TMEM40: variants seen among roughly 807,000 people sequenced by gnomAD.
The protein encoded by TMEM40 is transmembrane protein 40.
In TMEM40, 34 loss-of-function variants were observed where a neutral mutation model predicts 40.8. That is an observed-to-expected ratio of 0.83 (90% CI 0.63 to 1.11). The LOEUF (loss-of-function observed/expected upper bound fraction) is 1.11. TMEM40 is among the 50% of genes least tolerant of loss of function. The pLI is 0.00. For missense variants in TMEM40, 296 were observed against 280.2 expected (o/e 1.06, Z -0.40); for synonymous variants, 106 against 107.0 (o/e 0.99, Z 0.06).
In TMEM40 at chr3:12,734,766, A is replaced by G; in HGVS notation, c.*8T>C. The G allele has an allele frequency of 6.3e-7, 1 of 1,596,272 alleles. No individual in the cohort carries two copies. The highest frequency in any genetic ancestry group is 8.5e-7 in the Non-Finnish European group (1 of 1,172,070). ...GGGCCTGCCTCTGCTGCCCACCTGG[A>G]AGTGGCCTCAGTCAGTCTTCCTGAA... On this transcript the variant is annotated 3_prime_UTR_variant, in exon 12 of 12. Coordinates refer to ENST00000314124, the MANE Select transcript of TMEM40 (RefSeq NM_018306.4).
upstream of TMEM40, among the ~76,000 whole-genome samples, chr3:12,761,709 T>C (rs879334430): frequency 3.3e-5 from 5 of 152,024 alleles, no homozygotes; most frequent in Non-Finnish European, 7.4e-5. Context: ...GCATGAGCCA[T>C]GCAGGGGAGA....
intron 1 of TMEM40, among the ~76,000 whole-genome samples, chr3:12,766,608 A>AG (rs2061595639): frequency 6.6e-6 from 1 of 151,972 alleles, no homozygotes; most frequent in African/African-American, 2.4e-5. Flanking sequence ...AAAAAAAAAA[A>AG]AGGATTATTT....
chr3:12,747,930 A>G (rs973555053), intron 3 of TMEM40, among the ~76,000 whole-genome samples: 2 of 151,144 alleles, frequency 1.3e-5, no homozygotes, highest in Non-Finnish European at 3.0e-5. Context: ...AAAAAAAAAA[A>G]AAAAAAGATG....
intron 3 of TMEM40, 106 bp from the exon 4 acceptor site, chr3:12,744,095 G>T: frequency 1.7e-6 from 2 of 1,177,066 alleles, no homozygotes; most frequent in Non-Finnish European, 2.4e-6. Context: ...AGAAGAGTGT[G>T]GTTTGGTGGG....
chr3:12,753,109 C>T lies in TMEM40; in HGVS notation c.-8-3269G>A, dbSNP rs370323693. On this transcript the variant is annotated intron_variant, in intron 1 of 11. Coordinates refer to ENST00000314124, the MANE Select transcript of TMEM40 (RefSeq NM_018306.4). ...TGAAGGGGAGGAATGGAACCATCAC[C>T]GGGGGAAGACCCGATGTGGCTCTGT... 5.4e-4 allele frequency among the ~76,000 whole-genome samples: 82 copies of T among 152,210 alleles called. 1 individual carries two copies. The South Asian group carries it at 7.7e-3, about 14-fold the overall frequency.
At chr3:12,752,802 C>CAA (rs76321894) in intron 1 of TMEM40, among the ~76,000 whole-genome samples, 2 of 136,816 alleles carry the variant, frequency 1.5e-5, no homozygotes, top group Non-Finnish European at 1.6e-5. Flanking sequence ...GACTCTGTCT[C>CAA]AAAAAAAAAA....
chr3:12,764,120 G>A (rs2061584449), upstream of TMEM40, among the ~76,000 whole-genome samples: 5 of 151,864 alleles, frequency 3.3e-5, no homozygotes, highest in Non-Finnish European at 7.4e-5. Flanking sequence ...CACCATGTTG[G>A]CCAGGCTGGT....
At chr3:12,747,867 C>G (rs898454623) in intron 3 of TMEM40, among the ~76,000 whole-genome samples, 1 of 144,806 alleles carries the variant, frequency 6.9e-6, no homozygotes, top group African/African-American at 2.6e-5. Flanking sequence ...GCCAAGATCA[C>G]GCCGCTGCAC....
chr3:12,768,957 G>T (rs2061608860), intron 1 of TMEM40, among the ~76,000 whole-genome samples: 1 of 141,212 alleles, frequency 7.1e-6, no homozygotes, highest in East Asian at 2.1e-4. Flanking sequence ...GGGGGCGGGG[G>T]GGCGCGGCCT....
chr3:12,763,159 CAAA>C (rs536186442), upstream of TMEM40, among the ~76,000 whole-genome samples: 435 of 56,208 alleles, frequency 7.7e-3, 2 homozygotes, highest in African/African-American at 0.021. Context: ...GACTCTGTCT[CAAA>C]AAAAAAAAAA....
At chr3:12,735,268 C>T (rs1212291161) in intron 11 of TMEM40, among the ~76,000 whole-genome samples, 1 of 152,224 alleles carries the variant, frequency 6.6e-6, no homozygotes, top group Non-Finnish European at 1.5e-5. Context: ...GAAGACTAAC[C>T]AGACCATTTT....
chr3:12,755,201 T>TCC (rs2061511916), intron 1 of TMEM40, among the ~76,000 whole-genome samples: 2 of 84,824 alleles, frequency 2.4e-5, no homozygotes, highest in East Asian at 2.6e-4. Context: ...CTTCCTTCCT[T>TCC]TCTTTCTTTC....
At position 12,749,726 on chromosome 3, in the gene TMEM40, G is replaced by C. The variant is rs758815127; in HGVS notation, c.73+34C>G. The C allele has an allele frequency of 5.6e-6, 9 of 1,603,396 alleles. No individual in the cohort carries two copies. In the East Asian group the frequency reaches 2.0e-4, roughly 36 times the overall value. ...ACTTTTGGACTCCACCTCCCATGTG[G>C]TTTTGCCCAGAGGGTCAGAGAAGGC... On this transcript the variant is annotated intron_variant, in intron 2 of 11. Coordinates refer to ENST00000314124, the MANE Select transcript of TMEM40 (RefSeq NM_018306.4).
chr3:12,735,833 A>C (rs764003159), intron 10 of TMEM40, among the ~76,000 whole-genome samples: 3 of 152,212 alleles, frequency 2.0e-5, no homozygotes, highest in Non-Finnish European at 4.4e-5. Flanking sequence ...CACCAAATTC[A>C]GTTCCCAACT....
At chr3:12,762,329 C>T (rs762109805), upstream of TMEM40, among the ~76,000 whole-genome samples, 8 of 152,190 alleles carry the variant, frequency 5.3e-5, no homozygotes, top group Non-Finnish European at 1.2e-4. Context: ...AACATAGTTA[C>T]TGAAAATTTT....
At chr3:12,754,260 C>G (rs965814327) in intron 1 of TMEM40, among the ~76,000 whole-genome samples, 1 of 152,048 alleles carries the variant, frequency 6.6e-6, no homozygotes, top group African/African-American at 2.4e-5. Context: ...GGCAGTGAGC[C>G]GAGACCGCAC....
At chr3:12,747,533 A>G (rs2061438684) in intron 3 of TMEM40, among the ~76,000 whole-genome samples, 2 of 152,372 alleles carry the variant, frequency 1.3e-5, no homozygotes, top group South Asian at 4.1e-4. Context: ...CTATAAATTC[A>G]GCCTCATATT....
intron 11 of TMEM40, 49 bp downstream of exon 11, chr3:12,735,506 A>G: frequency 1.9e-6 from 3 of 1,568,980 alleles, no homozygotes; most frequent in Non-Finnish European, 2.6e-6. Flanking sequence ...CTAAATGAAG[A>G]CCCTGCTAGG....
At chr3:12,739,142 A>C (rs1461577732) in intron 5 of TMEM40, 1 of 152,728 alleles carries the variant, frequency 6.5e-6, no homozygotes, top group East Asian at 1.9e-4. Context: ...ACAGAGCGAT[A>C]CTCCATCTCA....
Sources: allele counts gnomAD v4.1 joint callset (sites outside exome capture counted in the v4.1 genomes callset), GRCh38; gene constraint gnomAD v4.1.1; transcripts MANE v1.5; gene names NCBI Gene and HGNC (gene_info 2026-07-23, HGNC 2026-07-21).